The following ATXN1 variants were observed in gnomAD, a reference collection of about 807,000 sequenced individuals.
ATXN1 encodes ataxin 1.
A neutral mutation model predicts 56.4 loss-of-function variants in ATXN1; 8 were observed. The ratio of observed to expected loss-of-function variants is 0.14; its 90% confidence interval spans 0.08 to 0.26. The LOEUF is 0.26. ATXN1 is among the 10% of genes least tolerant of loss of function. The probability of loss-of-function intolerance (pLI) is 1.00; values close to 1 mark genes in which losing one functional copy is unlikely to be tolerated. For missense variants in ATXN1, 987 were observed against 1,106.5 expected (o/e 0.89, Z 1.53); for synonymous variants, 514 against 494.6 (o/e 1.04, Z -0.52).
At chr6:16,668,378 T>C (rs543236498) in intron 2 of ATXN1, among the ~76,000 whole-genome samples, 3 of 132,088 alleles carry the variant, frequency 2.3e-5, no homozygotes, top group Non-Finnish European at 4.7e-5. Flanking sequence ...CAGTGTGTGA[T>C]GTTCCCCTTC....
At chr6:16,377,390 G>A (rs565634026) in intron 6 of ATXN1, among the ~76,000 whole-genome samples, 28 of 152,288 alleles carry the variant, frequency 1.8e-4, no homozygotes, top group Non-Finnish European at 2.5e-4. Context: ...CAGCTGATAT[G>A]AGCCTGCTTT....
chr6:16,516,402 T>C (rs967589500), intron 5 of ATXN1, among the ~76,000 whole-genome samples: 1 of 152,198 alleles, frequency 6.6e-6, no homozygotes, highest in African/African-American at 2.4e-5. Context: ...GCTTAGGACA[T>C]AGCAGGTGAC....
At chr6:16,484,947 A>ATATG (rs1554109743) in intron 6 of ATXN1, among the ~76,000 whole-genome samples, 21 of 125,972 alleles carry the variant, frequency 1.7e-4, no homozygotes, top group Non-Finnish European at 2.2e-4. Flanking sequence ...CTAAATATAT[A>ATATG]TGTGTGTGTG....
chr6:16,557,946 T>A (rs1762044294), intron 4 of ATXN1, among the ~76,000 whole-genome samples: 1 of 152,222 alleles, frequency 6.6e-6, no homozygotes, highest in Non-Finnish European at 1.5e-5. Flanking sequence ...GTTCCATTTA[T>A]ATGAGATGTC....
chr6:16,685,429 T>A (rs1191141462), intron 2 of ATXN1, among the ~76,000 whole-genome samples: 1 of 151,848 alleles, frequency 6.6e-6, no homozygotes, highest in Non-Finnish European at 1.5e-5. Flanking sequence ...CTTAGGGAGT[T>A]CCCCCGCCCA....
intron 6 of ATXN1, among the ~76,000 whole-genome samples, chr6:16,470,496 A>G (rs574027763): frequency 3.9e-5 from 6 of 152,338 alleles, no homozygotes; most frequent in African/African-American, 9.6e-5. Flanking sequence ...TATAATAAAA[A>G]AAACTGGAAA....
At chr6:16,690,958 T>A (rs939073752) in intron 2 of ATXN1, among the ~76,000 whole-genome samples, 1 of 152,114 alleles carries the variant, frequency 6.6e-6, no homozygotes, top group African/African-American at 2.4e-5. Flanking sequence ...CTCTGAAAAC[T>A]GAGAATGAGA....
Position 16,470,410 on chromosome 6 carries a change from TTC to T in ATXN1, c.-161+15560_-161+15561del, listed in dbSNP as rs2113638110. On this transcript the variant is annotated intron_variant, in intron 6 of 7. Transcript: ENST00000436367. The stretch of plus-strand genomic sequence containing the variant: ...GTGAAGACAAGACAATGGAGATGGC[TTC>T]ACATCAATATGAATGTACAACTATA... Among the ~76,000 whole-genome samples the T allele has an allele frequency of 1.3e-5, 2 of 152,284 alleles. 1 individual carries two copies. The highest frequency in any genetic ancestry group is 1.3e-4 in the Admixed American group (2 of 15,290).
At chr6:16,347,229 C>T in intron 6 of ATXN1, among the ~76,000 whole-genome samples, 1 of 152,242 alleles carries the variant, frequency 6.6e-6, no homozygotes, top group East Asian at 1.9e-4. Flanking sequence ...AGTGCGGGCG[C>T]ACGGCACTGG....
At chr6:16,388,716 AATGCT>A (rs778460220) in intron 6 of ATXN1, among the ~76,000 whole-genome samples, 1 of 152,188 alleles carries the variant, frequency 6.6e-6, no homozygotes, top group Non-Finnish European at 1.5e-5. Context: ...CAGCTAGTGG[AATGCT>A]ATGTGACCTT....
chr6:16,572,242 T>C (rs1022104784), intron 4 of ATXN1, among the ~76,000 whole-genome samples: 1 of 152,188 alleles, frequency 6.6e-6, no homozygotes, highest in African/African-American at 2.4e-5. Context: ...AGTTGCCTAT[T>C]GTCAATAAAA....
intron 6 of ATXN1, among the ~76,000 whole-genome samples, chr6:16,382,435 C>A (rs1758149069): frequency 6.6e-6 from 1 of 152,004 alleles, no homozygotes. Context: ...TGCTCTCCAG[C>A]CTGGGTGACA....
intron 3 of ATXN1, among the ~76,000 whole-genome samples, chr6:16,612,607 G>C (rs1763129461): frequency 6.6e-6 from 1 of 152,102 alleles, no homozygotes; most frequent in African/African-American, 2.4e-5. Flanking sequence ...AATTAGAAAA[G>C]GGGGTGGGAC....
At chr6:16,354,035 C>G (rs1761633324) in intron 6 of ATXN1, among the ~76,000 whole-genome samples, 1 of 152,146 alleles carries the variant, frequency 6.6e-6, no homozygotes, top group Non-Finnish European at 1.5e-5. Flanking sequence ...GGAGAATCAC[C>G]TGGAAAGATT....
chr6:16,720,805 G>A (rs145164783), intron 2 of ATXN1, among the ~76,000 whole-genome samples: 1 of 152,290 alleles, frequency 6.6e-6, no homozygotes, highest in African/African-American at 2.4e-5. Flanking sequence ...AGAAAAGAAT[G>A]ATAAAACATG....
intron 6 of ATXN1, among the ~76,000 whole-genome samples, chr6:16,388,102 C>CCTA (rs753054238): frequency 2.6e-5 from 4 of 152,150 alleles, no homozygotes; most frequent in Non-Finnish European, 4.4e-5. Context: ...TAACCCAAAG[C>CCTA]CTACTATGCA....
Position 16,711,551 on chromosome 6 carries a change from CAT to C in ATXN1, c.-615+41680_-615+41681del, listed in dbSNP as rs765634237. Reference sequence around the variant, plus strand: ...TCATATATATACACATATATATACACATATATATATACACACATATATGTAAG... The same window carrying C: ...TCATATATATACACATATATATACACATATATATACACACATATATGTAAG... On this transcript the variant is annotated intron_variant, in intron 2 of 7. Transcript: ENST00000436367. Among the ~76,000 whole-genome samples the C allele has an allele frequency of 4.4e-3, 665 of 150,690 alleles. 6 individuals carry two copies. The highest frequency in any genetic ancestry group is 0.015 in the African/African-American group (606 of 40,864).
chr6:16,747,210 G>A (rs924016284), intron 2 of ATXN1, among the ~76,000 whole-genome samples: 5 of 152,172 alleles, frequency 3.3e-5, no homozygotes, highest in African/African-American at 1.2e-4. Flanking sequence ...AAAACTGCAC[G>A]CTGCTCGGTG....
At chr6:16,388,064 C>T (rs762231986) in intron 6 of ATXN1, among the ~76,000 whole-genome samples, 7 of 152,302 alleles carry the variant, frequency 4.6e-5, no homozygotes, top group South Asian at 4.1e-4. Context: ...GATCATTAAA[C>T]GACAATCTTG....
Sources: allele counts gnomAD v4.1 joint callset (sites outside exome capture counted in the v4.1 genomes callset), GRCh38; gene constraint gnomAD v4.1.1; transcripts MANE v1.5; gene names NCBI Gene and HGNC (gene_info 2026-07-23, HGNC 2026-07-21).